CACHD1: variants seen among roughly 807,000 people sequenced by gnomAD.
CACHD1 encodes the protein VWFA and cache domain-containing protein 1.
Under a neutral mutation model 138.7 loss-of-function variants are expected in CACHD1, and 71 were observed. The observed-to-expected ratio is 0.51, with a 90% CI of 0.42 to 0.62. The LOEUF (loss-of-function observed/expected upper bound fraction) is 0.62. Ranked by LOEUF, CACHD1 falls within the 20% of genes least tolerant of loss-of-function variation. The pLI, the probability that CACHD1 is intolerant of heterozygous loss-of-function variation, is 0.00. For synonymous variants in CACHD1, 578 were observed against 591.5 expected, an observed-to-expected ratio of 0.98 and a Z score of 0.33; for missense variants, 1,389 against 1,625.3, an observed-to-expected ratio of 0.85 and a Z score of 2.50.
chr1:64,634,097 C>CT lies in CACHD1; in HGVS notation c.844dup (p.Tyr282LeufsTer2), dbSNP rs1318902318. The CT allele has an allele frequency of 3.7e-6, 6 of 1,612,816 alleles. No homozygotes were observed. The highest frequency in any genetic ancestry group is 5.1e-6 in the Non-Finnish European group (6 of 1,179,778). ...TCCGGACTTGCTCACTAGACCAGTG[C>CT]TATAAGACCTTCTTGTCTCCAGCCA... On this transcript the variant is annotated frameshift_variant, in exon 7 of 27. Transcript: ENST00000651257. LOFTEE classifies it high-confidence loss of function.
intron 1 of CACHD1, among the ~76,000 whole-genome samples, chr1:64,544,488 G>C (rs903189746): frequency 3.3e-5 from 5 of 152,074 alleles, no homozygotes; most frequent in East Asian, 1.9e-4. Context: ...GGGAGATTTG[G>C]TAAGGGAGGA....
chr1:64,505,379 TGGAGG>T (rs941399662), intron 1 of CACHD1, among the ~76,000 whole-genome samples: 3 of 149,288 alleles, frequency 2.0e-5, no homozygotes, highest in African/African-American at 7.5e-5. Flanking sequence ...CTGCGAGGTC[TGGAGG>T]GGAGGGGAGG....
chr1:64,577,402 C>A (rs1035445599), intron 2 of CACHD1, among the ~76,000 whole-genome samples: 8 of 152,160 alleles, frequency 5.3e-5, no homozygotes, highest in African/African-American at 1.9e-4. Flanking sequence ...CTTATGGTAT[C>A]CTGCCAAGCA....
chr1:64,487,037 AGT>A (rs1486217329), intron 1 of CACHD1, among the ~76,000 whole-genome samples: 2 of 152,084 alleles, frequency 1.3e-5, no homozygotes, highest in Non-Finnish European at 2.9e-5. Flanking sequence ...GAAGGAGATC[AGT>A]GTGTGTGAAG....
intron 4 of CACHD1, among the ~76,000 whole-genome samples, chr1:64,604,615 T>C (rs1343196010): frequency 1.3e-5 from 2 of 152,324 alleles, no homozygotes; most frequent in South Asian, 2.1e-4. Context: ...CAACATTGTA[T>C]GTAGTTAAAT....
At position 64,653,829 on chromosome 1, in the gene CACHD1, A is replaced by G. The variant is rs1439856758; in HGVS notation, c.1612A>G (p.Ile538Val). The change falls in exon 11 of 27, where the codon ATA becomes GTA. Residue 538 changes from isoleucine to valine, a missense_variant. Physicochemically the swap from Ile to Val is conservative, Grantham distance 29. Around this residue, in one of 5 missense-constraint regions of CACHD1, gnomAD observed 1,000 missense variants for 1,114.7 expected, o/e 0.90. Coordinates refer to ENST00000651257, the MANE Select transcript of CACHD1 (RefSeq NM_020925.4). Reference sequence around the variant, plus strand: ...AGAGCCCCCACTTCATACTGACATCATACATTATGAAAATATTCCAAAATT... The same window carrying G: ...AGAGCCCCCACTTCATACTGACATCGTACATTATGAAAATATTCCAAAATT... Reference protein sequence around the residue: ...LSEPPLHTDIIHYENIPKFEL... With the variant: ...LSEPPLHTDIVHYENIPKFEL... 6 of 1,612,102 alleles carry G rather than the reference A, an allele frequency of 3.7e-6. No individual in the cohort carries two copies. The highest frequency in any genetic ancestry group is 1.7e-5 in the Admixed American group (1 of 60,004).
At chr1:64,619,022 C>G (rs962384864) in intron 4 of CACHD1, among the ~76,000 whole-genome samples, 2 of 152,050 alleles carry the variant, frequency 1.3e-5, no homozygotes, top group African/African-American at 4.8e-5. Flanking sequence ...AAGTCGCAAC[C>G]CAACAAAAAT....
intron 2 of CACHD1, among the ~76,000 whole-genome samples, chr1:64,566,612 G>A (rs1023385003): frequency 1.1e-5 from 1 of 88,998 alleles, no homozygotes; most frequent in Non-Finnish European, 3.1e-5. Context: ...GTTAGTATGA[G>A]GCTTTTTTTT....
At chr1:64,651,111 G>T (rs1449914994) in intron 9 of CACHD1, among the ~76,000 whole-genome samples, 4 of 151,884 alleles carry the variant, frequency 2.6e-5, no homozygotes, top group African/African-American at 7.3e-5. Flanking sequence ...GTTTTTAATG[G>T]CCTGTTACCT....
intron 13 of CACHD1, among the ~76,000 whole-genome samples, chr1:64,659,973 G>A (rs2100695582): frequency 6.6e-6 from 1 of 152,320 alleles, no homozygotes; most frequent in Non-Finnish European, 1.5e-5. Flanking sequence ...GCTGGACTAA[G>A]TGGTCTCTTC....
intron 3 of CACHD1, among the ~76,000 whole-genome samples, chr1:64,586,132 C>T (rs550022708): frequency 3.3e-5 from 5 of 152,264 alleles, no homozygotes; most frequent in African/African-American, 4.8e-5. Flanking sequence ...GGCACCGTCT[C>T]GGCTCACTTC....
At chr1:64,597,826 A>T (rs182359451) in intron 3 of CACHD1, among the ~76,000 whole-genome samples, 31 of 152,232 alleles carry the variant, frequency 2.0e-4, no homozygotes, top group Non-Finnish European at 4.0e-4. Context: ...GAATTATATA[A>T]ATGTGACTGG....
chr1:64,520,264 T>A (rs902951718), intron 1 of CACHD1, among the ~76,000 whole-genome samples: 9 of 152,238 alleles, frequency 5.9e-5, no homozygotes, highest in Admixed American at 5.9e-4. Flanking sequence ...CCAATTCTCA[T>A]AATTTGAATA....
At position 64,590,825 on chromosome 1, in the gene CACHD1, A is replaced by C. The variant is rs1309429884; in HGVS notation, c.410+8521A>C. On this transcript the variant is annotated intron_variant, in intron 3 of 26. Transcript: ENST00000651257. The stretch of plus-strand genomic sequence containing the variant: ...AGCAGTAAGTTCAGTTGTGATGTAA[A>C]TTATACCTGAGTCATGTAGTACAAA... 2.0e-5 allele frequency among the ~76,000 whole-genome samples: 3 copies of C among 152,182 alleles called. No homozygotes were observed. The East Asian group carries it at 5.8e-4, about 29-fold the overall frequency.
chr1:64,644,803 AT>A (rs1277123891), intron 8 of CACHD1, among the ~76,000 whole-genome samples: 1 of 152,256 alleles, frequency 6.6e-6, no homozygotes, highest in Non-Finnish European at 1.5e-5. Flanking sequence ...TCGGCTAAAA[AT>A]TAAAACACTT....
At chr1:64,566,744 C>T (rs78503490) in intron 2 of CACHD1, among the ~76,000 whole-genome samples, 1,975 of 150,932 alleles carry the variant, frequency 0.013, 25 homozygotes, top group East Asian at 0.067. Flanking sequence ...TATACTACAG[C>T]AATAATTATG....
At chr1:64,547,078 C>G (rs1646723841) in intron 1 of CACHD1, among the ~76,000 whole-genome samples, 2 of 152,240 alleles carry the variant, frequency 1.3e-5, no homozygotes, top group South Asian at 4.1e-4. Flanking sequence ...AATGCTTTAA[C>G]TTTTTACCTG....
intron 1 of CACHD1, among the ~76,000 whole-genome samples, chr1:64,497,288 G>C (rs1646311601): frequency 6.6e-6 from 1 of 152,110 alleles, no homozygotes; most frequent in South Asian, 2.1e-4. Flanking sequence ...TCCCTACTCT[G>C]TGCTTCCATC....
chr1:64,529,059 G>A (rs564399345), intron 1 of CACHD1, among the ~76,000 whole-genome samples: 1 of 152,198 alleles, frequency 6.6e-6, no homozygotes, highest in South Asian at 2.1e-4. Context: ...AATGGGATTT[G>A]AATTCATGAA....
Sources: gnomAD v4.1 joint callset for allele counts (sites outside exome capture counted in the v4.1 genomes callset) on GRCh38, gnomAD v4.1.1 for gene constraint, gnomAD v4.1.1 regional missense constraint, MANE v1.5 for transcripts, NCBI Gene and HGNC (gene_info 2026-07-23, HGNC 2026-07-21) for gene names.